KCNIP4: variants seen among roughly 807,000 people sequenced by gnomAD.
KCNIP4 encodes the protein Kv channel-interacting protein 4.
Under a neutral mutation model 34.0 loss-of-function variants are expected in KCNIP4, and 12 were observed. The ratio of observed to expected loss-of-function variants is 0.35; its 90% confidence interval spans 0.23 to 0.57. KCNIP4 has a LOEUF of 0.57. Among genes scored for constraint, KCNIP4 ranks in the 20% least tolerant of loss-of-function variants. The probability of loss-of-function intolerance (pLI) is 0.83; values close to 1 mark genes in which losing one functional copy is unlikely to be tolerated. For synonymous variants in KCNIP4, 124 were observed against 102.2 expected (o/e 1.21, Z -1.29); for missense variants, 238 against 311.7 (o/e 0.76, Z 1.78).
intron 1 of KCNIP4, among the ~76,000 whole-genome samples, chr4:21,641,477 A>G (rs1203794126): frequency 6.6e-6 from 1 of 152,218 alleles, no homozygotes; most frequent in Non-Finnish European, 1.5e-5. Flanking sequence ...AAATGCAAAT[A>G]TATACCAATT....
intron 1 of KCNIP4, among the ~76,000 whole-genome samples, chr4:21,869,789 G>C (rs1358252825): frequency 6.6e-5 from 10 of 151,768 alleles, no homozygotes; most frequent in Admixed American, 2.0e-4. Context: ...TAGATAGACA[G>C]ACAGACAGAT....
At position 21,388,186 on chromosome 4, in the gene KCNIP4, A is replaced by T. The variant is rs1023834614; in HGVS notation, c.62-505477T>A. 3.3e-5 allele frequency among the ~76,000 whole-genome samples: 5 copies of T among 152,002 alleles called. No homozygotes were observed. The East Asian group carries it at 9.7e-4, about 29-fold the overall frequency. ...TCTATAGCTGAGTAAATTATAACGG[A>T]TTACCATCACTAAAATATATTTATT... On this transcript the variant is annotated intron_variant, in intron 1 of 8. Transcript: ENST00000382152.
At position 21,063,221 on chromosome 4, in the gene KCNIP4, G is replaced by C. The variant is rs114039731; in HGVS notation, c.62-180512C>G. On this transcript the variant is annotated intron_variant, in intron 1 of 8. Transcript: ENST00000382152. The stretch of plus-strand genomic sequence containing the variant: ...TTGAGCTCCCAGAATCAAAATTCTT[G>C]TCTTACAGTAAGACAATAAGTGTCT... 3.1e-3 allele frequency among the ~76,000 whole-genome samples: 465 copies of C among 152,196 alleles called. 2 individuals carry two copies. The highest frequency in any genetic ancestry group is 0.011 in the African/African-American group (448 of 41,552).
intron 1 of KCNIP4, among the ~76,000 whole-genome samples, chr4:21,379,354 G>A (rs941882748): frequency 6.6e-6 from 1 of 152,118 alleles, no homozygotes; most frequent in African/African-American, 2.4e-5. Context: ...CTACCGTTCT[G>A]CATGCTTCCT....
At chr4:20,982,186 A>C (rs983736326) in intron 1 of KCNIP4, among the ~76,000 whole-genome samples, 8 of 152,186 alleles carry the variant, frequency 5.3e-5, no homozygotes, top group Non-Finnish European at 2.9e-5. Context: ...AATGCTGTGA[A>C]AGTTGACTTC....
chr4:21,049,037 G>A (rs1022405421), intron 1 of KCNIP4, among the ~76,000 whole-genome samples: 4 of 135,158 alleles, frequency 3.0e-5, no homozygotes, highest in Non-Finnish European at 6.1e-5. Flanking sequence ...TGCAAGCTCC[G>A]CCTCCCGGGT....
intron 1 of KCNIP4, among the ~76,000 whole-genome samples, chr4:21,081,487 GT>G (rs954767720): frequency 2.0e-5 from 3 of 151,562 alleles, no homozygotes; most frequent in Non-Finnish European, 4.4e-5. Flanking sequence ...TCGGTAGTAT[GT>G]TTTAAAATTA....
At chr4:21,434,540 C>T (rs755342966) in intron 1 of KCNIP4, among the ~76,000 whole-genome samples, 33 of 152,190 alleles carry the variant, frequency 2.2e-4, no homozygotes, top group Middle Eastern at 3.4e-3. Flanking sequence ...TGTTAGGAAC[C>T]GAGCAGCACA....
intron 1 of KCNIP4, among the ~76,000 whole-genome samples, chr4:21,572,410 G>C (rs1205931922): frequency 6.6e-6 from 1 of 152,036 alleles, no homozygotes; most frequent in Non-Finnish European, 1.5e-5. Flanking sequence ...CACAAACCCA[G>C]GATGTGTCCT....
At chr4:21,197,909 G>A (rs1756173786) in intron 1 of KCNIP4, among the ~76,000 whole-genome samples, 1 of 152,086 alleles carries the variant, frequency 6.6e-6, no homozygotes, top group African/African-American at 2.4e-5. Flanking sequence ...TCAGTAATAA[G>A]TCAATAAAAC....
chr4:21,226,244 GGGGAGGGAGGGA>G (rs1165143722), intron 1 of KCNIP4, among the ~76,000 whole-genome samples: 6 of 96,532 alleles, frequency 6.2e-5, no homozygotes, highest in Admixed American at 5.4e-4. Context: ...GGAGGGAGGG[GGGGAGGGAGGGA>G]GGGAGGGAGG....
chr4:20,737,089 C>G (rs1749791354), intron 5 of KCNIP4, among the ~76,000 whole-genome samples: 1 of 152,164 alleles, frequency 6.6e-6, no homozygotes, highest in Non-Finnish European at 1.5e-5. Context: ...GCTGTGGCAA[C>G]TGGATCACCA....
At chr4:21,875,688 C>T (rs537687456) in intron 1 of KCNIP4, among the ~76,000 whole-genome samples, 65 of 152,144 alleles carry the variant, frequency 4.3e-4, no homozygotes, top group Admixed American at 1.7e-3. Context: ...CAAACAAATA[C>T]GATTTTTGAT....
chr4:21,759,615 G>A (rs1473314405), intron 1 of KCNIP4, among the ~76,000 whole-genome samples: 1 of 152,114 alleles, frequency 6.6e-6, no homozygotes, highest in Non-Finnish European at 1.5e-5. Flanking sequence ...GATCTGGGAA[G>A]TCATTTCTAT....
intron 1 of KCNIP4, chr4:21,697,229 T>C (rs1712416345): frequency 1.6e-6 from 2 of 1,278,904 alleles, no homozygotes; most frequent in Admixed American, 8.0e-5. Context: ...AGTTGCATTT[T>C]ATTGACAACA....
intron 1 of KCNIP4, among the ~76,000 whole-genome samples, chr4:21,335,644 A>T (rs1171221203): frequency 6.6e-6 from 1 of 152,214 alleles, no homozygotes; most frequent in Non-Finnish European, 1.5e-5. Context: ...TTTAATAAAC[A>T]TTTAAAAAGT....
chr4:21,541,195 AAAGAG>A (rs1342917880), intron 1 of KCNIP4, among the ~76,000 whole-genome samples: 3 of 151,244 alleles, frequency 2.0e-5, no homozygotes, highest in African/African-American at 4.9e-5. Flanking sequence ...AAAAAAAAAA[AAAGAG>A]AGAGAGAGAG....
Position 21,455,811 on chromosome 4 carries a change from A to T in KCNIP4, c.61+492760T>A, listed in dbSNP as rs569820098. ...ATGTGATAGTCTTACAGATATTCATATATATATATATATATATATATATAT... is the reference window on the plus strand; with the variant it reads ...ATGTGATAGTCTTACAGATATTCATTTATATATATATATATATATATATAT... On this transcript the variant is annotated intron_variant, in intron 1 of 8. Coordinates refer to ENST00000382152, the MANE Select transcript of KCNIP4 (RefSeq NM_025221.6). 5.2e-3 allele frequency among the ~76,000 whole-genome samples: 13 copies of T among 2,508 alleles called. 1 individual carries two copies. The highest frequency in any genetic ancestry group is 0.029 in the African/African-American group (11 of 376). 1.6% of individuals were successfully genotyped at this position (2,508 alleles called of 152,430 possible).
At chr4:21,429,008 T>C (rs1049998219) in intron 1 of KCNIP4, among the ~76,000 whole-genome samples, 2 of 152,136 alleles carry the variant, frequency 1.3e-5, no homozygotes, top group African/African-American at 4.8e-5. Context: ...ACAGTTTACA[T>C]TAGGGTTCAT....
Sources: allele counts gnomAD v4.1 joint callset (sites outside exome capture counted in the v4.1 genomes callset), GRCh38; gene constraint gnomAD v4.1.1; transcripts MANE v1.5; gene names NCBI Gene and HGNC (gene_info 2026-07-23, HGNC 2026-07-21).